NFAT5: variants seen among roughly 807,000 people sequenced by gnomAD.
NFAT5 encodes the protein nuclear factor of activated T-cells 5.
Under a neutral mutation model 166.5 loss-of-function variants are expected in NFAT5, and 31 were observed. That is an observed-to-expected ratio of 0.19 (90% CI 0.14 to 0.25). The LOEUF (loss-of-function observed/expected upper bound fraction) is 0.25, where lower values mean the gene tolerates loss of function less well. NFAT5 is among the 10% of genes least tolerant of loss of function. The pLI is 1.00. For missense variants in NFAT5, 1,449 were observed against 1,821.8 expected, an observed-to-expected ratio of 0.80 and a Z score of 3.72; for synonymous variants, 612 against 639.7, an observed-to-expected ratio of 0.96 and a Z score of 0.65.
At chr16:69,599,637 G>T (rs1214734487) in intron 2 of NFAT5, among the ~76,000 whole-genome samples, 1 of 152,142 alleles carries the variant, frequency 6.6e-6, no homozygotes. Flanking sequence ...AGAAAATGGT[G>T]GGGGCACTAT....
At chr16:69,579,092 T>C (rs1205767292) in intron 2 of NFAT5, among the ~76,000 whole-genome samples, 1 of 152,174 alleles carries the variant, frequency 6.6e-6, no homozygotes, top group Non-Finnish European at 1.5e-5. Flanking sequence ...GCCGGGCTGG[T>C]CTGGAACTCC....
chr16:69,588,977 CTTCT>C (rs1424755715), intron 2 of NFAT5, among the ~76,000 whole-genome samples: 2,300 of 78,306 alleles, frequency 0.029, 210 homozygotes, highest in African/African-American at 0.096. Flanking sequence ...TCTTTTCCTA[CTTCT>C]TTTTTTTTTT....
Position 69,647,251 on chromosome 16 carries a change from C to T in NFAT5, c.477C>T (p.Val159=). 1 of 1,614,190 alleles carries T rather than the reference C, an allele frequency of 6.2e-7. No homozygotes were observed. The highest frequency in any genetic ancestry group is 2.2e-5 in the East Asian group (1 of 44,888). The change falls in exon 4 of 15, where the codon GTC becomes GTT. Residue 159 remains valine (V), a synonymous_variant. Transcript: ENST00000349945. This position sits in a 1 kb window ranked among gnomAD's most constrained non-coding sequence, Gnocchi z 4.8. ...QHPSTPKRHT[V]LYISPPPEDL... ...CATCAACACCGAAGAGGCACACAGT[C>T]TTGTACATCTCACCACCACCTGAGG...
Position 69,602,410 on chromosome 16 carries a change from G to T in NFAT5, c.128-23993G>T, listed in dbSNP as rs940890930. On this transcript the variant is annotated intron_variant, in intron 2 of 14. Coordinates refer to ENST00000349945, the MANE Select transcript of NFAT5 (RefSeq NM_138713.4). ...GCCTCCCTAGTAGCTGCGATTACAG[G>T]CATGTGCCACCACGCCTGGCTAATT... is the stretch of plus-strand genomic sequence containing the variant. Among the ~76,000 whole-genome samples, 6 of 151,730 alleles carry T rather than the reference G, an allele frequency of 4.0e-5. No individual in the cohort carries two copies. In the East Asian group the frequency reaches 9.7e-4, roughly 24 times the overall value.
At position 69,691,678 on chromosome 16, in the gene NFAT5, A is replaced by G. The variant is rs1049190530; in HGVS notation, c.1924-71A>G. ...TGCATATATTTTTAGAGCAATAGTG[A>G]TTTTTGATGTATGTTACAAACTTGT... On this transcript the variant is annotated intron_variant, in intron 12 of 14. Transcript: ENST00000349945. 11 of 1,226,584 alleles carry G rather than the reference A, an allele frequency of 9.0e-6. No homozygotes were observed. The African/African-American group carries it at 1.2e-4, about 14-fold the overall frequency. The allele number at this position is 1,226,584 out of a possible 1,614,324, so 76.0% of individuals were successfully genotyped here.
rs190940299 is a variant in NFAT5 at position 69,616,410 on chromosome 16, C to T, written c.128-9993C>T. 2.0e-4 allele frequency among the ~76,000 whole-genome samples: 31 copies of T among 152,218 alleles called. 1 individual carries two copies. Among genetic ancestry groups the T allele is most frequent in the Middle Eastern group, 3.4e-3 (1 of 294 alleles). ...GGTTGCCCCTTGCATGGATACCCTC[C>T]TCACCCTTCTCTGGCTCTGGCATTT... On this transcript the variant is annotated intron_variant, in intron 2 of 14. Coordinates refer to ENST00000349945, the MANE Select transcript of NFAT5 (RefSeq NM_138713.4).
chr16:69,613,782 T>G (rs1049900821), intron 2 of NFAT5, among the ~76,000 whole-genome samples: 5 of 152,240 alleles, frequency 3.3e-5, no homozygotes, highest in Admixed American at 1.3e-4. Flanking sequence ...TTGACTCATT[T>G]TATTATCTCT....
At chr16:69,633,443 T>C (rs2034807540) in intron 3 of NFAT5, among the ~76,000 whole-genome samples, 4 of 152,310 alleles carry the variant, frequency 2.6e-5, no homozygotes, top group East Asian at 1.9e-4. Context: ...TAACTAATTG[T>C]TTTATAAGAA....
Position 69,631,750 on chromosome 16 carries a change from C to T in NFAT5, c.253+5222C>T, listed in dbSNP as rs753865265. Among the ~76,000 whole-genome samples, 77 of 152,006 alleles carry T rather than the reference C, an allele frequency of 5.1e-4. 1 individual carries two copies. Among genetic ancestry groups the T allele is most frequent in the Non-Finnish European group, 5.6e-4 (38 of 67,982 alleles). ...CAGCGATTCTCCTGCCTCAGCCTCC[C>T]GAGTAACTGGGACTACAGGTGTGTG... On this transcript the variant is annotated intron_variant, in intron 3 of 14. Transcript: ENST00000349945.
At position 69,691,794 on chromosome 16, in the gene NFAT5, T is replaced by G. The variant is rs56368098; in HGVS notation, c.1969T>G (p.Ser657Ala). The G allele has an allele frequency of 2.3e-3, 3,729 of 1,614,096 alleles. 12 individuals carry two copies. Among genetic ancestry groups the G allele is most frequent in the Middle Eastern group, 6.6e-3 (40 of 6,062 alleles). ...AACTCAGCAAACATTAGAAAACATC[T>G]CAAACATAGCAGGAAATGGCTCTTT... ...GSTQQTLENI[S>A]NIAGNGSFSS... is the part of the protein sequence containing the mutation. The change falls in exon 13 of 15, where the codon TCA (serine) becomes GCA (alanine). Residue 657 changes from serine (S) to alanine (A), a missense_variant. Physicochemically the swap from Ser to Ala is moderately conservative, Grantham distance 99. This residue lies in a region of NFAT5 where 245 missense variants were observed against 366.6 expected (regional missense o/e 0.67). Transcript: ENST00000349945.
At chr16:69,617,104 C>T (rs111476341) in intron 2 of NFAT5, among the ~76,000 whole-genome samples, 2,759 of 151,956 alleles carry the variant, frequency 0.018, 89 homozygotes, top group African/African-American at 0.059. Flanking sequence ...CCATCACGCC[C>T]GGCTAATTTT....
Position 69,692,105 on chromosome 16 carries a change from G to A in NFAT5, c.2280G>A (p.Gln760=), listed in dbSNP as rs1474965026. The A allele has an allele frequency of 7.4e-6, 12 of 1,614,126 alleles. No homozygotes were observed. Among genetic ancestry groups the A allele is most frequent in the Non-Finnish European group, 5.9e-6 (7 of 1,180,042 alleles). ...SQLTEASQQQ[Q]QSPLQEQAQT... is the part of the protein sequence containing the mutation. ...TGACTGAGGCATCACAACAACAGCAGCAGTCACCACTACAAGAACAAGCAC... is the reference window on the plus strand; with the variant it reads ...TGACTGAGGCATCACAACAACAGCAACAGTCACCACTACAAGAACAAGCAC... Residue 760 remains glutamine, a synonymous_variant, in exon 13 of 15, where the codon CAG becomes CAA. Coordinates refer to ENST00000349945, the MANE Select transcript of NFAT5 (RefSeq NM_138713.4).
In NFAT5 at chr16:69,568,507, T is replaced by TAC; in HGVS notation, c.89_90dup (p.Pro31ThrfsTer34). 1 of 1,613,224 alleles carries TAC rather than the reference T, an allele frequency of 6.2e-7. No homozygotes were observed. Among genetic ancestry groups the TAC allele is most frequent in the Non-Finnish European group, 8.5e-7 (1 of 1,179,576 alleles). On this transcript the variant is annotated frameshift_variant, in exon 2 of 15. Coordinates refer to ENST00000349945, the MANE Select transcript of NFAT5 (RefSeq NM_138713.4). LOFTEE classifies it high-confidence loss of function. Reference sequence around the variant, plus strand: ...TTGTGTTTTTCAGATTCTCTGAAGTTACACCCATCACAGAATTTTCATAGA... The same window carrying TAC: ...TTGTGTTTTTCAGATTCTCTGAAGTTACACACCCATCACAGAATTTTCATAGA...
Position 69,677,312 on chromosome 16 carries a change from C to A in NFAT5, c.1667C>A (p.Pro556Gln). 2 of 1,608,000 alleles carry A rather than the reference C, an allele frequency of 1.2e-6. No homozygotes were observed. Among genetic ancestry groups the A allele is most frequent in the Non-Finnish European group, 1.7e-6 (2 of 1,178,078 alleles). The part of the protein sequence containing the change: ...TNAGRSHDVQ[P>Q]FTYTPDPAAA... ...GCTGGAAGATCTCATGATGTTCAACCATTCACTTACACTCCAGACCCAGGT... is the reference window on the plus strand; with the variant it reads ...GCTGGAAGATCTCATGATGTTCAACAATTCACTTACACTCCAGACCCAGGT... Residue 556 changes from proline (P) to glutamine (Q), a missense_variant, in exon 10 of 15, where the codon CCA becomes CAA. Transcript: ENST00000349945.
At chr16:69,627,261 A>G (rs1238079451) in intron 3 of NFAT5, among the ~76,000 whole-genome samples, 2 of 148,086 alleles carry the variant, frequency 1.4e-5, no homozygotes, top group Admixed American at 1.4e-4. Flanking sequence ...CTGTAATGTT[A>G]GTTTACCCAC....
At position 69,647,809 on chromosome 16, in the gene NFAT5, A is replaced by G. The variant is rs879408254; in HGVS notation, c.812+223A>G. ...TAGCAATAGATATCTTATTATCAGTATAGTTAGGTAGTAGAAAATGAAAAT... is the reference window on the plus strand; with the variant it reads ...TAGCAATAGATATCTTATTATCAGTGTAGTTAGGTAGTAGAAAATGAAAAT... On this transcript the variant is annotated intron_variant, in intron 4 of 14. Transcript: ENST00000349945. The surrounding 1 kb of genome is among the most constrained non-coding windows in gnomAD (Gnocchi z 4.8). Among the ~76,000 whole-genome samples the G allele has an allele frequency of 3.9e-5, 6 of 152,134 alleles. No individual in the cohort carries two copies. Among genetic ancestry groups the G allele is most frequent in the Admixed American group, 6.6e-5 (1 of 15,262 alleles).
chr16:69,626,925 A>T (rs2034484367), intron 3 of NFAT5, among the ~76,000 whole-genome samples: 1 of 152,130 alleles, frequency 6.6e-6, no homozygotes, highest in Non-Finnish European at 1.5e-5. Flanking sequence ...CTGAAAAATG[A>T]CTGAAGCACT....
At chr16:69,644,580 A>C (rs1284080839) in intron 3 of NFAT5, among the ~76,000 whole-genome samples, 2 of 152,204 alleles carry the variant, frequency 1.3e-5, no homozygotes, top group Non-Finnish European at 2.9e-5. Flanking sequence ...ACAGTTTGGC[A>C]TACTTACCCT....
intron 2 of NFAT5, among the ~76,000 whole-genome samples, chr16:69,620,919 C>T (rs998458339): frequency 2.0e-5 from 3 of 152,208 alleles, no homozygotes; most frequent in African/African-American, 7.2e-5. Flanking sequence ...GATATAACCA[C>T]CTTCTTCCAG....
Sources: gnomAD v4.1 joint callset for allele counts (sites outside exome capture counted in the v4.1 genomes callset) on GRCh38, gnomAD v4.1.1 for gene constraint, gnomAD v4.1.1 regional missense constraint, Gnocchi (gnomAD v3.1) non-coding constraint, MANE v1.5 for transcripts, NCBI Gene and HGNC (gene_info 2026-07-23, HGNC 2026-07-21) for gene names.